Variants in SEMA4F observed in about 807,000 individuals in gnomAD.
SEMA4F encodes the protein ssemaphorin 4F.
SEMA4F carries 51 observed loss-of-function variants against 78.4 expected under a neutral mutation model. That is an observed-to-expected ratio of 0.65 (90% CI 0.52 to 0.82). The LOEUF is 0.82. Among genes scored for constraint, SEMA4F ranks in the 40% least tolerant of loss-of-function variants. The pLI is 0.00. For synonymous variants in SEMA4F, 418 were observed against 408.7 expected (o/e 1.02, Z -0.27); for missense variants, 938 against 1,014.4 (o/e 0.92, Z 1.02).
chr2:74,690,526 A>G, the SEMA4F span, among the ~76,000 whole-genome samples: 4 of 152,230 alleles, frequency 2.6e-5, no homozygotes, highest in Non-Finnish European at 4.4e-5. Context: ...TGATGTTATT[A>G]GAGGATATTT....
At chr2:74,655,598 G>A (rs1362683164) in intron 1 of SEMA4F, among the ~76,000 whole-genome samples, 4 of 152,210 alleles carry the variant, frequency 2.6e-5, no homozygotes, top group Non-Finnish European at 5.9e-5. Flanking sequence ...CAGAGCCTGG[G>A]GTTTCAGTTT....
At position 74,658,298 on chromosome 2, in the gene SEMA4F, G is replaced by C. The variant is rs1226430922; in HGVS notation, c.456+347G>C. Among the ~76,000 whole-genome samples the C allele has an allele frequency of 6.6e-6, 1 of 152,192 alleles. No individual in the cohort carries two copies. Among genetic ancestry groups the C allele is most frequent in the Non-Finnish European group, 1.5e-5 (1 of 68,040 alleles). On this transcript the variant is annotated intron_variant, in intron 4 of 13. Coordinates refer to ENST00000357877, the MANE Select transcript of SEMA4F (RefSeq NM_004263.5). This position sits in a 1 kb window ranked among gnomAD's most constrained non-coding sequence, Gnocchi z 4.3. Reference sequence around the variant, plus strand: ...GAAACCAGAAACTCATGTTTCCCTTGCCCTGTGTATGCTTTGTCCAGGCAG... The same window carrying C: ...GAAACCAGAAACTCATGTTTCCCTTCCCCTGTGTATGCTTTGTCCAGGCAG...
chr2:74,705,737 A>AT, the SEMA4F span, among the ~76,000 whole-genome samples: 1 of 151,582 alleles, frequency 6.6e-6, no homozygotes, highest in African/African-American at 2.4e-5. Context: ...CTAATTTTTA[A>AT]TTTTTTTTGT....
chr2:74,654,318 C>G lies in SEMA4F; in HGVS notation c.-59C>G. The G allele has an allele frequency of 1.4e-6, 2 of 1,391,500 alleles. No individual in the cohort carries two copies. Among genetic ancestry groups the G allele is most frequent in the Non-Finnish European group, 9.3e-7 (1 of 1,079,038 alleles). 86.2% of individuals were successfully genotyped at this position (1,391,500 alleles called of 1,614,324 possible). A position where few individuals can be genotyped will look rare whatever the true frequency, so the allele number is the denominator to read the frequency against. ...CCGAGTGGGGCCGAGGCCAGTAGCC[C>G]CGGGGCCCTGAGCAGAGGCCGTAGC... On this transcript the variant is annotated 5_prime_UTR_variant, in exon 1 of 14. Coordinates refer to ENST00000357877, the MANE Select transcript of SEMA4F (RefSeq NM_004263.5).
intron 2 of SEMA4F, 92 bp from the exon 3 acceptor site, chr2:74,657,473 A>G: frequency 8.1e-7 from 1 of 1,233,560 alleles, no homozygotes; most frequent in Non-Finnish European, 1.2e-6. Flanking sequence ...TCCCAAATTG[A>G]TGGAGGTTAT....
intron 4 of SEMA4F, 83 bp from the exon 5 acceptor site, chr2:74,662,649 T>G (rs1684485316): frequency 8.9e-7 from 1 of 1,129,698 alleles, no homozygotes; most frequent in African/African-American, 1.5e-5. Context: ...AATTGACCTT[T>G]TCCTTCATCT....
At chr2:74,687,487 C>G (rs1685846906), downstream of SEMA4F, among the ~76,000 whole-genome samples, 1 of 152,172 alleles carries the variant, frequency 6.6e-6, no homozygotes, top group South Asian at 2.1e-4. Flanking sequence ...TTTTTGTTCA[C>G]TGTTGTATCC....
rs929578240 is a variant in SEMA4F, at chr2:74,675,462, A to G, written c.1373-63A>G. ...ACAGAGAGGGTACTGTAATACATATAGGTCTGAGTCCCAGGCACAGGGGCA... is the reference window on the plus strand; with the variant it reads ...ACAGAGAGGGTACTGTAATACATATGGGTCTGAGTCCCAGGCACAGGGGCA... On this transcript the variant is annotated intron_variant, in intron 10 of 13. Transcript: ENST00000357877. 20 of 1,590,648 alleles carry G rather than the reference A, an allele frequency of 1.3e-5. No individual in the cohort carries two copies. The African/African-American group carries it at 1.6e-4, about 13-fold the overall frequency.
At chr2:74,684,052 A>G (rs976259453), downstream of SEMA4F, among the ~76,000 whole-genome samples, 2 of 151,518 alleles carry the variant, frequency 1.3e-5, no homozygotes, top group African/African-American at 4.9e-5. Flanking sequence ...TCATCCCCCT[A>G]ATGCAACTTC....
At chr2:74,684,676 G>A (rs1685776178), downstream of SEMA4F, among the ~76,000 whole-genome samples, 1 of 152,150 alleles carries the variant, frequency 6.6e-6, no homozygotes, top group Non-Finnish European at 1.5e-5. Context: ...CTAAAGTATG[G>A]CCACAGGGTC....
intron 1 of SEMA4F, 115 bp from the exon 2 acceptor site, chr2:74,656,419 G>A: frequency 1.0e-6 from 1 of 970,842 alleles, no homozygotes. Flanking sequence ...CTCCCCCATG[G>A]CTGCTTAATA....
chr2:74,707,630 G>T, the SEMA4F span, among the ~76,000 whole-genome samples: 1 of 152,012 alleles, frequency 6.6e-6, no homozygotes, highest in Non-Finnish European at 1.5e-5. Context: ...ATATATGAAG[G>T]AATGGTTTTC....
the SEMA4F span, among the ~76,000 whole-genome samples, chr2:74,704,651 C>T: frequency 3.3e-5 from 5 of 151,926 alleles, no homozygotes; most frequent in African/African-American, 9.7e-5. Flanking sequence ...TATAACGAGC[C>T]GACACAAGAG....
the SEMA4F span, among the ~76,000 whole-genome samples, chr2:74,689,493 T>C: frequency 6.6e-6 from 1 of 152,184 alleles, no homozygotes; most frequent in Admixed American, 6.5e-5. Context: ...ATCCAGTAAT[T>C]ACACTTTTAG....
rs1218480538 is a variant in SEMA4F at position 74,680,862 on chromosome 2, G to A, written c.*653G>A. On this transcript the variant is annotated 3_prime_UTR_variant, in exon 14 of 14. Transcript: ENST00000357877. Reference sequence around the variant, plus strand: ...AATTGGAATGGGGGCGTTGCCTGCAGAACTTTAGACCCTGTAGCCATAGAG... The same window carrying A: ...AATTGGAATGGGGGCGTTGCCTGCAAAACTTTAGACCCTGTAGCCATAGAG... The A allele has an allele frequency of 6.6e-6, 1 of 152,228 alleles. No homozygotes were observed. The highest frequency in any genetic ancestry group is 1.5e-5 in the Non-Finnish European group (1 of 68,068). 9.4% of individuals were successfully genotyped at this position (152,228 alleles called of 1,614,324 possible). A position where few individuals can be genotyped will look rare whatever the true frequency, so the allele number is the denominator to read the frequency against.
chr2:74,661,109 A>G (rs1684404004), intron 4 of SEMA4F, among the ~76,000 whole-genome samples: 1 of 152,228 alleles, frequency 6.6e-6, no homozygotes, highest in Non-Finnish European at 1.5e-5. Context: ...AGTCAAAAGT[A>G]TCAAATGGTG....
At chr2:74,684,840 G>A (rs184067189), downstream of SEMA4F, among the ~76,000 whole-genome samples, 1 of 152,330 alleles carries the variant, frequency 6.6e-6, no homozygotes, top group African/African-American at 2.4e-5. Context: ...GCGCATGCCT[G>A]TAGTCCCAGC....
intron 5 of SEMA4F, among the ~76,000 whole-genome samples, chr2:74,668,953 A>T (rs1558726369): frequency 2.0e-5 from 3 of 149,728 alleles, no homozygotes; most frequent in Non-Finnish European, 4.4e-5. Context: ...AAAAAAAAAA[A>T]TTAGCTTTTT....
rs774869919 is a variant in SEMA4F, at chr2:74,679,953, G to T, written c.2057G>T (p.Arg686Leu). Residue 686 changes from arginine (R) to leucine (L), a missense_variant, in exon 14 of 14, where the codon CGA becomes CTA. Coordinates refer to ENST00000357877, the MANE Select transcript of SEMA4F (RefSeq NM_004263.5). Reference protein sequence around the residue: ...TLILIGRRQQRRRQRELLARD... With the variant: ...TLILIGRRQQLRRQRELLARD... ...ATTCTGATTGGTCGGCGTCAGCAGC[G>T]ACGGCGACAGAGGGAACTTCTGGCT... 1.2e-6 allele frequency: 2 copies of T among 1,614,222 alleles called. No homozygotes were observed. Among genetic ancestry groups the T allele is most frequent in the Non-Finnish European group, 1.7e-6 (2 of 1,180,044 alleles).
Sources: gnomAD v4.1 joint callset for allele counts (sites outside exome capture counted in the v4.1 genomes callset) on GRCh38, gnomAD v4.1.1 for gene constraint, Gnocchi (gnomAD v3.1) non-coding constraint, MANE v1.5 for transcripts, NCBI Gene and HGNC (gene_info 2026-07-23, HGNC 2026-07-21) for gene names.